PDE1A: variants seen among roughly 807,000 people sequenced by gnomAD.
The protein encoded by PDE1A is dual specificity calcium/calmodulin-dependent 3',5'-cyclic nucleotide phosphodiesterase 1A.
A neutral mutation model predicts 61.7 loss-of-function variants in PDE1A; 35 were observed. That is an observed-to-expected ratio of 0.57 (90% confidence interval 0.43 to 0.75). The LOEUF (loss-of-function observed/expected upper bound fraction) is 0.75. PDE1A is among the 30% of genes least tolerant of loss of function. PDE1A has a pLI of 0.00. For synonymous variants in PDE1A, 232 were observed against 213.2 expected (o/e 1.09, Z -0.77); for missense variants, 597 against 630.6 (o/e 0.95, Z 0.57).
At chr2:182,203,893 G>C (rs1309592862) in intron 8 of PDE1A, among the ~76,000 whole-genome samples, 1 of 151,886 alleles carries the variant, frequency 6.6e-6, no homozygotes, top group East Asian at 1.9e-4. Context: ...TTTTTGGAAA[G>C]TGTTGAATCT....
At chr2:182,516,001 T>A (rs1690123557) in intron 2 of PDE1A, among the ~76,000 whole-genome samples, 1 of 131,192 alleles carries the variant, frequency 7.6e-6, no homozygotes, top group Non-Finnish European at 1.6e-5. Flanking sequence ...TGTGTGTGTG[T>A]GTTGGGTGAG....
Position 182,361,092 on chromosome 2 carries a change from C to T in PDE1A, c.53+65486G>A, listed in dbSNP as rs141839723. Among the ~76,000 whole-genome samples the T allele has an allele frequency of 2.9e-3, 443 of 152,152 alleles. 3 individuals are homozygous for T. The highest frequency in any genetic ancestry group is 0.01 in the African/African-American group (423 of 41,548). ...TTACACACCGGCCGAAACTAAGGAT[C>T]AGAGGTCTGATCTGATTCCCCCAAG... is the stretch of plus-strand genomic sequence containing the variant. On this transcript the variant is annotated intron_variant, in intron 1 of 13. Coordinates refer to ENST00000351439, the Ensembl canonical transcript of PDE1A.
chr2:182,170,195 A>G (rs943467526), intron 13 of PDE1A, among the ~76,000 whole-genome samples: 1 of 152,072 alleles, frequency 6.6e-6, no homozygotes, highest in Non-Finnish European at 1.5e-5. Context: ...CTTTTCAAAA[A>G]TTAGTTTTGT....
chr2:182,366,282 A>G (rs1294172496), intron 1 of PDE1A, among the ~76,000 whole-genome samples: 1 of 152,106 alleles, frequency 6.6e-6, no homozygotes, highest in East Asian at 1.9e-4. Flanking sequence ...ATGTTTGTTT[A>G]TAAACAGGTG....
At chr2:182,531,108 C>T in the PDE1A span, among the ~76,000 whole-genome samples, 109,028 of 151,386 alleles carry the variant, frequency 0.72, 41,868 homozygotes, top group East Asian at 0.99. Context: ...AAGGAACTAT[C>T]AAAAATAGCT....
the PDE1A span, among the ~76,000 whole-genome samples, chr2:182,649,862 CCTCCCAAAGTG>C: frequency 4.6e-5 from 7 of 152,252 alleles, no homozygotes; most frequent in South Asian, 1.5e-3. Context: ...TCCACCTCAG[CCTCCCAAAGTG>C]CTGGGATTAC....
At chr2:182,353,985 T>C (rs1182352944) in intron 1 of PDE1A, among the ~76,000 whole-genome samples, 1 of 152,100 alleles carries the variant, frequency 6.6e-6, no homozygotes. Context: ...AATATATCAC[T>C]TTGCAACCAT....
the PDE1A span, among the ~76,000 whole-genome samples, chr2:182,596,241 G>A: frequency 6.6e-6 from 1 of 152,198 alleles, no homozygotes; most frequent in African/African-American, 2.4e-5. Flanking sequence ...CACATGGAGT[G>A]AGCATGGGTG....
the PDE1A span, among the ~76,000 whole-genome samples, chr2:182,611,435 A>G: frequency 6.6e-6 from 1 of 152,272 alleles, no homozygotes; most frequent in Non-Finnish European, 1.5e-5. Flanking sequence ...CCCAAGGCAC[A>G]GTATTTCCTC....
intron 2 of PDE1A, among the ~76,000 whole-genome samples, chr2:182,518,351 T>C (rs1439456153): frequency 6.6e-6 from 1 of 152,206 alleles, no homozygotes; most frequent in Non-Finnish European, 1.5e-5. Flanking sequence ...TTGCTTAGAA[T>C]TAAAAGATTA....
At chr2:182,425,387 T>C (rs1025973948) in intron 1 of PDE1A, among the ~76,000 whole-genome samples, 1 of 152,218 alleles carries the variant, frequency 6.6e-6, no homozygotes, top group African/African-American at 2.4e-5. Flanking sequence ...GGGGTCATTT[T>C]AGATTTTTGG....
At chr2:182,297,144 A>T (rs890467496) in intron 1 of PDE1A, among the ~76,000 whole-genome samples, 1 of 152,212 alleles carries the variant, frequency 6.6e-6, no homozygotes, top group Non-Finnish European at 1.5e-5. Flanking sequence ...AACACTGACT[A>T]ATATGATATA....
At chr2:182,657,452 T>C in the PDE1A span, among the ~76,000 whole-genome samples, 7 of 152,168 alleles carry the variant, frequency 4.6e-5, no homozygotes, top group African/African-American at 1.7e-4. Flanking sequence ...TAAACAAATA[T>C]ATAAAAAATA....
chr2:182,641,093 A>G, the PDE1A span, among the ~76,000 whole-genome samples: 1 of 152,080 alleles, frequency 6.6e-6, no homozygotes, highest in East Asian at 1.9e-4. Context: ...TAAGTTTTCA[A>G]ACATGTGAAA....
chr2:182,399,062 C>A (rs1289647964), intron 1 of PDE1A, among the ~76,000 whole-genome samples: 1 of 151,884 alleles, frequency 6.6e-6, no homozygotes, highest in East Asian at 1.9e-4. Context: ...TGGGCTGAAA[C>A]TGAAAAATAA....
intron 1 of PDE1A, among the ~76,000 whole-genome samples, chr2:182,390,992 C>A (rs1365550109): frequency 2.0e-5 from 3 of 152,212 alleles, no homozygotes. Context: ...AGACCTACAA[C>A]TAGAATCAAG....
the PDE1A span, among the ~76,000 whole-genome samples, chr2:182,557,740 TAAATA>T: frequency 6.6e-6 from 1 of 151,542 alleles, no homozygotes; most frequent in Non-Finnish European, 1.5e-5. Flanking sequence ...TAAAAATAAA[TAAATA>T]AAATAAAAAA....
At chr2:182,458,397 T>G (rs909618699) in intron 2 of PDE1A, among the ~76,000 whole-genome samples, 1 of 152,056 alleles carries the variant, frequency 6.6e-6, no homozygotes, top group Non-Finnish European at 1.5e-5. Context: ...TAACAAAATG[T>G]GTAAAGTCCC....
intron 2 of PDE1A, among the ~76,000 whole-genome samples, chr2:182,517,573 C>G (rs1006213824): frequency 6.6e-6 from 1 of 152,154 alleles, no homozygotes; most frequent in African/African-American, 2.4e-5. Context: ...CACTCAAAAG[C>G]TGTGGTTGAA....
Sources: gnomAD v4.1 joint callset for allele counts (sites outside exome capture counted in the v4.1 genomes callset) on GRCh38, gnomAD v4.1.1 for gene constraint, MANE v1.5 for transcripts, NCBI Gene and HGNC (gene_info 2026-07-23, HGNC 2026-07-21) for gene names.